ACSM2B: variants seen among roughly 807,000 people sequenced by gnomAD.
ACSM2B encodes the protein acyl-CoA synthetase medium chain family member 2B.
In ACSM2B, 58 loss-of-function variants were observed where a neutral mutation model predicts 78.6. The observed-to-expected ratio is 0.74, with a 90% confidence interval of 0.60 to 0.92. The LOEUF is 0.92. Ranked by LOEUF, ACSM2B falls within the 40% of genes least tolerant of loss-of-function variation. The probability of loss-of-function intolerance (pLI) is 0.00; values close to 1 mark genes in which losing one functional copy is unlikely to be tolerated. For synonymous variants in ACSM2B, 257 were observed against 256.8 expected, an observed-to-expected ratio of 1.00 and a Z score of -0.01; for missense variants, 688 against 711.2, an observed-to-expected ratio of 0.97 and a Z score of 0.37.
Position 20,546,448 on chromosome 16 carries a change from T to A in ACSM2B, c.1125A>T (p.Thr375=). ...ETGLTCMVSK[T]MKIKPGYMGT... ...CCATGTATCCTGGTTTGATTTTCAT[T>A]GTCTTGGAAACCATGCAAGTTAATC... The change falls in exon 9 of 14, where the codon ACA becomes ACT. Residue 375 remains threonine, a synonymous_variant. Coordinates refer to ENST00000329697, the MANE Select transcript of ACSM2B (RefSeq NM_001105069.2). 1.9e-6 allele frequency: 3 copies of A among 1,609,488 alleles called. No individual in the cohort carries two copies. The highest frequency in any genetic ancestry group is 2.5e-6 in the Non-Finnish European group (3 of 1,176,818).
chr16:20,564,926 G>C, intron 1 of ACSM2B, 73 bp from the exon 2 acceptor site: 1 of 1,519,390 alleles, frequency 6.6e-7, no homozygotes, highest in Admixed American at 2.3e-5. Context: ...GCGGCTTCAG[G>C]AGATTCATCC....
At chr16:20,557,005 C>G (rs1202103324) in intron 3 of ACSM2B, among the ~76,000 whole-genome samples, 2 of 152,006 alleles carry the variant, frequency 1.3e-5, no homozygotes, top group Non-Finnish European at 2.9e-5. Flanking sequence ...GCCCATTGTC[C>G]CCAGAATATG....
chr16:20,539,131 T>G (rs2014922035), intron 13 of ACSM2B, among the ~76,000 whole-genome samples: 1 of 148,888 alleles, frequency 6.7e-6, no homozygotes. Context: ...TTGGCTGGAG[T>G]TCCCATTGAG....
At chr16:20,546,725 T>A (rs2015153921) in intron 8 of ACSM2B, 3 of 504,732 alleles carry the variant, frequency 5.9e-6, no homozygotes, top group Non-Finnish European at 3.1e-6. Flanking sequence ...AATCACATTA[T>A]AATCTCTTTT....
At chr16:20,557,114 T>C (rs1284718082) in intron 3 of ACSM2B, among the ~76,000 whole-genome samples, 1 of 152,102 alleles carries the variant, frequency 6.6e-6, no homozygotes, top group African/African-American at 2.4e-5. Flanking sequence ...GGGGTTCTTT[T>C]TGATACCACT....
chr16:20,550,877 G>GA (rs1324915953), intron 6 of ACSM2B, among the ~76,000 whole-genome samples: 1 of 152,034 alleles, frequency 6.6e-6, no homozygotes, highest in African/African-American at 2.4e-5. Context: ...AGTTCTATAG[G>GA]AAAAAATTCC....
At chr16:20,571,448 T>G (rs537295436) in intron 1 of ACSM2B, among the ~76,000 whole-genome samples, 59 of 152,080 alleles carry the variant, frequency 3.9e-4, no homozygotes, top group African/African-American at 1.4e-3. Flanking sequence ...TGATATAATT[T>G]CACTTTTCTC....
rs531225254 is a variant in ACSM2B at position 20,537,402 on chromosome 16, A to T, written c.1630-40T>A. The T allele has an allele frequency of 5.0e-6, 8 of 1,608,520 alleles. 1 individual carries two copies. In the South Asian group the frequency reaches 8.8e-5, roughly 18 times the overall value. The stretch of plus-strand genomic sequence containing the variant: ...ATCAGTCCAGGGTGGGTGATCTGTG[A>T]TGACAGTGGGTTGCATTTTTCAGAA... On this transcript the variant is annotated intron_variant, in intron 13 of 13. Transcript: ENST00000329697.
At chr16:20,550,089 G>C (rs565243228) in intron 6 of ACSM2B, among the ~76,000 whole-genome samples, 204 of 152,204 alleles carry the variant, frequency 1.3e-3, no homozygotes, top group African/African-American at 4.7e-3. Flanking sequence ...GTCATGGCCT[G>C]AAACAGTCTC....
At chr16:20,539,119 G>C (rs1395878325) in intron 13 of ACSM2B, among the ~76,000 whole-genome samples, 21 of 149,854 alleles carry the variant, frequency 1.4e-4, no homozygotes, top group Non-Finnish European at 5.9e-5. Context: ...ACTCCCATGG[G>C]ATTGGCTGGA....
In ACSM2B at chr16:20,564,801, A is replaced by G. The variant is rs369713899; in HGVS notation, c.45T>C (p.Gly15=). 35 of 1,612,686 alleles carry G rather than the reference A, an allele frequency of 2.2e-5. No individual in the cohort carries two copies. The African/African-American group carries it at 3.7e-4, about 17-fold the overall frequency. Residue 15 remains glycine, a synonymous_variant, in exon 2 of 14, where the codon GGT becomes GGC. Transcript: ENST00000329697. ...AGAGAGTGCGGCTGGACATCTGAGT[A>G]CCCCACAGGGTGCAAAGTCCCTGAA... ...RKVQGLCTLW[G]TQMSSRTLYI...
intron 6 of ACSM2B, among the ~76,000 whole-genome samples, chr16:20,550,935 A>T (rs1194712202): frequency 6.6e-6 from 1 of 152,184 alleles, no homozygotes; most frequent in Non-Finnish European, 1.5e-5. Flanking sequence ...AATTGGAAAT[A>T]ACCCAAAGTT....
At chr16:20,553,079 A>G (rs1239876906) in intron 5 of ACSM2B, among the ~76,000 whole-genome samples, 2 of 152,154 alleles carry the variant, frequency 1.3e-5, no homozygotes. Context: ...CAGCTCTTCT[A>G]TTGTATAATT....
At chr16:20,575,423 T>C (rs1361340247) in intron 1 of ACSM2B, 2 of 151,552 alleles carry the variant, frequency 1.3e-5, no homozygotes, top group African/African-American at 4.8e-5. Context: ...TTAACTCACA[T>C]GATCACAAGG....
At chr16:20,549,605 T>G (rs746767619) in intron 6 of ACSM2B, 2 of 270,634 alleles carry the variant, frequency 7.4e-6, no homozygotes, top group Non-Finnish European at 7.3e-6. Context: ...GGAGCCAAAC[T>G]CTGTAAAATA....
intron 1 of ACSM2B, among the ~76,000 whole-genome samples, chr16:20,566,853 C>CACTAT (rs2015909491): frequency 8.5e-6 from 1 of 117,908 alleles, no homozygotes; most frequent in South Asian, 2.4e-4. Flanking sequence ...TATATAGACA[C>CACTAT]ACTATATACT....
At chr16:20,546,652 G>A (rs184551422) in intron 8 of ACSM2B, 178 bp from the exon 9 acceptor site, 31 of 1,194,186 alleles carry the variant, frequency 2.6e-5, no homozygotes, top group Non-Finnish European at 3.1e-5. Context: ...AATCCTAGGG[G>A]CCTCACTAAA....
At chr16:20,574,177 T>A (rs1021881173) in intron 1 of ACSM2B, 1 of 152,038 alleles carries the variant, frequency 6.6e-6, no homozygotes, top group Non-Finnish European at 1.5e-5. Flanking sequence ...ATATTTCTCC[T>A]ACTTGCACAT....
chr16:20,573,159 A>G (rs1225065641), intron 1 of ACSM2B, among the ~76,000 whole-genome samples: 1 of 151,810 alleles, frequency 6.6e-6, no homozygotes, highest in African/African-American at 2.4e-5. Flanking sequence ...TCATATTCCC[A>G]GAATCGTTTT....
Sources: gnomAD v4.1 joint callset for allele counts (sites outside exome capture counted in the v4.1 genomes callset) on GRCh38, gnomAD v4.1.1 for gene constraint, MANE v1.5 for transcripts, NCBI Gene and HGNC (gene_info 2026-07-23, HGNC 2026-07-21) for gene names.